Variants in NRIP1 observed in about 807,000 individuals in gnomAD.
NRIP1 encodes nuclear receptor-interacting protein 1.
In NRIP1, 28 loss-of-function variants were observed where a neutral mutation model predicts 75.0. The ratio of observed to expected loss-of-function variants is 0.37; its 90% confidence interval spans 0.28 to 0.51. NRIP1 has a LOEUF of 0.51. NRIP1 is among the 20% of genes least tolerant of loss of function. NRIP1 has a pLI of 0.92. For missense variants in NRIP1, 1,435 were observed against 1,343.7 expected, an observed-to-expected ratio of 1.07 and a Z score of -1.06; for synonymous variants, 526 against 487.6, an observed-to-expected ratio of 1.08 and a Z score of -1.04.
chr21:14,976,100 CATG>C (rs1166665947), intron 3 of NRIP1, among the ~76,000 whole-genome samples: 5 of 152,046 alleles, frequency 3.3e-5, no homozygotes, highest in African/African-American at 1.2e-4. Context: ...TAATGTATTT[CATG>C]ATAATAAAAT....
intron 1 of NRIP1, among the ~76,000 whole-genome samples, chr21:15,044,889 T>C (rs2089036474): frequency 6.6e-6 from 1 of 152,186 alleles, no homozygotes; most frequent in Non-Finnish European, 1.5e-5. Flanking sequence ...TGGTGCAAGG[T>C]ATACAGCTGG....
rs78940276 is a variant in NRIP1, at chr21:15,003,431, A to G, written c.-335+10913T>C. ...ACAATTAAGAAATACTAGGGACTCA[A>G]TGAAGTATTGCAATAATGTTTAATC... On this transcript the variant is annotated intron_variant, in intron 3 of 3. Coordinates refer to ENST00000318948, the MANE Select transcript of NRIP1 (RefSeq NM_003489.4). Among the ~76,000 whole-genome samples the G allele has an allele frequency of 4.1e-3, 631 of 152,304 alleles. 4 individuals are homozygous for G. Among genetic ancestry groups the G allele is most frequent in the Middle Eastern group, 0.034 (10 of 294 alleles).
intron 3 of NRIP1, among the ~76,000 whole-genome samples, chr21:14,998,790 C>T (rs1191468378): frequency 1.3e-5 from 2 of 152,154 alleles, no homozygotes; most frequent in Non-Finnish European, 2.9e-5. Flanking sequence ...CATAAGAATA[C>T]AGTATATAAT....
chr21:14,975,530 T>C (rs9981467), intron 3 of NRIP1, among the ~76,000 whole-genome samples: 15,498 of 150,354 alleles, frequency 0.1, 2,462 homozygotes, highest in African/African-American at 0.34. Flanking sequence ...GGTGGGAGGA[T>C]CACTGGAGCC....
At position 14,967,803 on chromosome 21, in the gene NRIP1, G is replaced by C. The variant is rs148132349; in HGVS notation, c.390C>G (p.Ser130Arg). The change falls in exon 4 of 4, where the codon AGC becomes AGG. Residue 130 changes from serine to arginine, a missense_variant. Transcript: ENST00000318948. ...VDSVPKGKQDSTLLASLLQSF... is the reference protein window; with the variant it reads ...VDSVPKGKQDRTLLASLLQSF... ...ACTGAAGCAAAGAGGCCAGTAATGT[G>C]CTATCCTGTTTGCCTTTAGGCACAC... 2 of 1,614,034 alleles carry C rather than the reference G, an allele frequency of 1.2e-6. No homozygotes were observed. The highest frequency in any genetic ancestry group is 1.1e-5 in the South Asian group (1 of 91,062).
chr21:15,018,509 G>A (rs554710288), intron 2 of NRIP1, among the ~76,000 whole-genome samples: 1 of 152,256 alleles, frequency 6.6e-6, no homozygotes, highest in East Asian at 1.9e-4. Context: ...GTCATACAAA[G>A]AATAAAGTGA....
chr21:14,995,783 G>GT (rs763321787), intron 3 of NRIP1, among the ~76,000 whole-genome samples: 2 of 152,100 alleles, frequency 1.3e-5, no homozygotes, highest in African/African-American at 4.8e-5. Flanking sequence ...GTGTGTGTGT[G>GT]TGTGTATTAC....
At chr21:14,974,638 C>A (rs2086999519) in intron 3 of NRIP1, among the ~76,000 whole-genome samples, 1 of 152,178 alleles carries the variant, frequency 6.6e-6, no homozygotes, top group Non-Finnish European at 1.5e-5. Context: ...CTGTCACACA[C>A]CCTTTGAAGA....
intron 3 of NRIP1, among the ~76,000 whole-genome samples, chr21:14,985,819 C>A (rs893769828): frequency 1.3e-5 from 2 of 151,964 alleles, no homozygotes; most frequent in Non-Finnish European, 2.9e-5. Context: ...AAATTACCTC[C>A]CCTAGATAAA....
chr21:15,038,924 A>G (rs1887304909), intron 2 of NRIP1, among the ~76,000 whole-genome samples: 1 of 152,142 alleles, frequency 6.6e-6, no homozygotes, highest in African/African-American at 2.4e-5. Context: ...TCTTGCCTTC[A>G]GGGAGTCCCA....
At chr21:14,970,730 T>C (rs2086881413) in intron 3 of NRIP1, among the ~76,000 whole-genome samples, 1 of 152,230 alleles carries the variant, frequency 6.6e-6, no homozygotes, top group Non-Finnish European at 1.5e-5. Flanking sequence ...AAAACTGGTT[T>C]GTAAACAGCC....
Position 14,968,007 on chromosome 21 carries a change from T to C in NRIP1, c.186A>G (p.Gln62=), listed in dbSNP as rs1359636331. ...GTGTATTGAGAACTGGACCATTACTTTGACAGGTGGGAAATGCACTGCCAG... is the reference window on the plus strand; with the variant it reads ...GTGTATTGAGAACTGGACCATTACTCTGACAGGTGGGAAATGCACTGCCAG... The part of the protein sequence containing the change: ...NISGSAFPTC[Q]SNGPVLNTHT... Residue 62 remains glutamine (Q), a synonymous_variant, in exon 4 of 4, where the codon CAA becomes CAG. Coordinates refer to ENST00000318948, the MANE Select transcript of NRIP1 (RefSeq NM_003489.4). 3.1e-6 allele frequency: 5 copies of C among 1,614,036 alleles called. No individual in the cohort carries two copies. The highest frequency in any genetic ancestry group is 1.1e-5 in the South Asian group (1 of 91,084).
chr21:14,999,643 T>G (rs1297806158), intron 3 of NRIP1, among the ~76,000 whole-genome samples: 1 of 152,192 alleles, frequency 6.6e-6, no homozygotes, highest in African/African-American at 2.4e-5. Flanking sequence ...GGAACTTGCC[T>G]AAAGCCCAGT....
At position 14,966,306 on chromosome 21, in the gene NRIP1, C is replaced by T; in HGVS notation, c.1887G>A (p.Lys629=). 1 of 1,614,136 alleles carries T rather than the reference C, an allele frequency of 6.2e-7. No homozygotes were observed. The highest frequency in any genetic ancestry group is 8.5e-7 in the Non-Finnish European group (1 of 1,179,986). The change falls in exon 4 of 4, where the codon AAG becomes AAA. Residue 629 remains lysine (K), a synonymous_variant. Transcript: ENST00000318948. ...AQNSATFSAS[K]LLQNLAQCGM... ...CACATTGTGCTAAATTTTGTAACAG[C>T]TTACTGGCACTAAACGTTGCAGAGT...
chr21:14,973,876 G>GAT (rs1723463215), intron 3 of NRIP1, among the ~76,000 whole-genome samples: 2 of 149,418 alleles, frequency 1.3e-5, no homozygotes, highest in Non-Finnish European at 3.0e-5. Context: ...TGGAGATGGG[G>GAT]ATCTCACAAT....
chr21:15,009,779 T>C (rs1424892334), intron 3 of NRIP1, among the ~76,000 whole-genome samples: 1 of 152,216 alleles, frequency 6.6e-6, no homozygotes, highest in Non-Finnish European at 1.5e-5. Flanking sequence ...ATAAAAGTTA[T>C]AATTAAATTT....
chr21:15,016,944 AAAG>A (rs577341225), intron 2 of NRIP1, among the ~76,000 whole-genome samples: 11 of 151,986 alleles, frequency 7.2e-5, no homozygotes, highest in East Asian at 1.9e-4. Flanking sequence ...GAAAGAAAGA[AAAG>A]AAGAAAGACA....
rs557493255 is a variant in NRIP1 at position 14,962,943 on chromosome 21, C to A, written c.*1773G>T. On this transcript the variant is annotated 3_prime_UTR_variant, in exon 4 of 4. Coordinates refer to ENST00000318948, the MANE Select transcript of NRIP1 (RefSeq NM_003489.4). ...TAATTTTTGATAGGTCATTTGCTAA[C>A]CTGGTTCACAATTAAGAACAAAATA... 6.6e-6 allele frequency: 1 copy of A among 152,448 alleles called. No individual in the cohort carries two copies. Among genetic ancestry groups the A allele is most frequent in the East Asian group, 1.9e-4 (1 of 5,172 alleles). The allele number at this position is 152,448 out of a possible 1,614,324, so 9.4% of individuals were successfully genotyped here. A position where few individuals can be genotyped will look rare whatever the true frequency, so the allele number is the denominator to read the frequency against.
chr21:15,038,642 T>C (rs890268926), intron 2 of NRIP1, among the ~76,000 whole-genome samples: 1 of 152,112 alleles, frequency 6.6e-6, no homozygotes, highest in Non-Finnish European at 1.5e-5. Context: ...AAGGGATGTG[T>C]ATGTCAGTTT....
Sources: allele counts gnomAD v4.1 joint callset (sites outside exome capture counted in the v4.1 genomes callset), GRCh38; gene constraint gnomAD v4.1.1; transcripts MANE v1.5; gene names NCBI Gene and HGNC (gene_info 2026-07-23, HGNC 2026-07-21).